The following KCNAB2 variants were observed in gnomAD, a reference collection of about 807,000 sequenced individuals.
KCNAB2 encodes voltage-gated potassium channel subunit beta-2.
KCNAB2 carries 29 observed loss-of-function variants against 63.6 expected under a neutral mutation model. That is an observed-to-expected ratio of 0.46 (90% CI 0.34 to 0.62). KCNAB2 has a LOEUF of 0.62. Among genes scored for constraint, KCNAB2 ranks in the 20% least tolerant of loss-of-function variants. KCNAB2 has a pLI of 0.01. For synonymous variants in KCNAB2, 222 were observed against 224.2 expected, an observed-to-expected ratio of 0.99 and a Z score of 0.09; for missense variants, 359 against 563.9, an observed-to-expected ratio of 0.64 and a Z score of 3.68.
chr1:6,085,145 G>A (rs1320587792), intron 5 of KCNAB2, 59 bp from the exon 6 acceptor site: 2 of 1,584,854 alleles, frequency 1.3e-6, no homozygotes, highest in Non-Finnish European at 1.7e-6. Flanking sequence ...TGGCCACAGT[G>A]GGTCTGGGTT....
intron 1 of KCNAB2, chr1:6,040,461 G>A (rs1660406732): frequency 1.0e-6 from 1 of 973,816 alleles, no homozygotes; most frequent in Admixed American, 1.8e-5. Context: ...GCCAAACCTG[G>A]TTGATCTTTT....
chr1:5,996,652 G>A (rs1244392256), intron 1 of KCNAB2, among the ~76,000 whole-genome samples: 3 of 152,246 alleles, frequency 2.0e-5, no homozygotes, highest in Non-Finnish European at 2.9e-5. Context: ...CTGCTTTGAC[G>A]CCATGCTGGT....
intron 4 of KCNAB2, among the ~76,000 whole-genome samples, chr1:6,080,956 G>A (rs901051584): frequency 1.3e-5 from 2 of 152,328 alleles, no homozygotes; most frequent in Admixed American, 1.3e-4. Context: ...GAGGCCCAGT[G>A]CTCTGAGCCG....
At chr1:6,091,381 C>A in intron 10 of KCNAB2, 74 bp downstream of exon 10, 1 of 1,111,440 alleles carries the variant, frequency 9.0e-7, no homozygotes, top group African/African-American at 1.6e-5. Flanking sequence ...TTTTTATTTA[C>A]ATGATTCTTT....
At chr1:6,044,596 G>A (rs187364883), upstream of KCNAB2, among the ~76,000 whole-genome samples, 7 of 152,264 alleles carry the variant, frequency 4.6e-5, no homozygotes, top group African/African-American at 1.7e-4. Flanking sequence ...GTTGGTGGGG[G>A]GCCTCGAATG....
rs1477241316 is a variant in KCNAB2, at chr1:5,994,882, C to T, written c.-53+2094C>T. Among the ~76,000 whole-genome samples, 4 of 152,188 alleles carry T rather than the reference C, an allele frequency of 2.6e-5. No individual in the cohort carries two copies. Among genetic ancestry groups the T allele is most frequent in the Non-Finnish European group, 5.9e-5 (4 of 68,038 alleles). ...CGAGTGCCACACAGTTTTGATTTGG[C>T]AGTTTCCGGCCTGGGCTTGGAGGGA... is the stretch of plus-strand genomic sequence containing the variant. On this transcript the variant is annotated intron_variant, in intron 1 of 16. Transcript: ENST00000341524. The surrounding 1 kb of genome is among the most constrained non-coding windows in gnomAD (Gnocchi z 5.4).
At chr1:6,041,740 T>C, upstream of KCNAB2, 1 of 1,161,486 alleles carries the variant, frequency 8.6e-7, no homozygotes, top group South Asian at 1.2e-5. Flanking sequence ...TGGTTCTTTC[T>C]GACCTGCACC....
intron 1 of KCNAB2, among the ~76,000 whole-genome samples, chr1:6,005,568 G>T (rs1248729135): frequency 6.6e-6 from 1 of 151,928 alleles, no homozygotes; most frequent in Non-Finnish European, 1.5e-5. Flanking sequence ...ATGAGTAGGA[G>T]TGGGATCCAA....
At chr1:6,047,581 G>A (rs557138263) in intron 1 of KCNAB2, among the ~76,000 whole-genome samples, 6 of 152,184 alleles carry the variant, frequency 3.9e-5, no homozygotes, top group Non-Finnish European at 5.9e-5. Context: ...AGCCAGCCCC[G>A]CCCCCACCAA....
At chr1:6,091,637 G>T (rs2100769324) in intron 10 of KCNAB2, among the ~76,000 whole-genome samples, 1 of 152,188 alleles carries the variant, frequency 6.6e-6, no homozygotes, top group South Asian at 2.1e-4. Context: ...CTTGACCCTG[G>T]ATGGTGCCAT....
chr1:6,083,841 C>G (rs1008833008), intron 5 of KCNAB2, among the ~76,000 whole-genome samples: 2 of 152,214 alleles, frequency 1.3e-5, no homozygotes. Context: ...TGCAGGATTT[C>G]TGTGTCCCGC....
chr1:6,068,832 A>G (rs1662964601), intron 2 of KCNAB2, among the ~76,000 whole-genome samples: 1 of 152,180 alleles, frequency 6.6e-6, no homozygotes, highest in Admixed American at 6.5e-5. Context: ...GGTGTGCTCC[A>G]GGCACAGCTG....
rs528873099 is a variant in KCNAB2 at position 6,100,231 on chromosome 1, G to A, written c.*1657G>A. 45 of 780,310 alleles carry A rather than the reference G, an allele frequency of 5.8e-5. No homozygotes were observed. Among genetic ancestry groups the A allele is most frequent in the African/African-American group, 5.6e-4 (32 of 57,276 alleles). The allele number at this position is 780,310 out of a possible 1,614,324, so 48.3% of individuals were successfully genotyped here. Reference sequence around the variant, plus strand: ...GAGAGGCTGGGGCGAGGGGAGGAGGGGGATCAGCTTCTGCTATTACCGACC... The same window carrying A: ...GAGAGGCTGGGGCGAGGGGAGGAGGAGGATCAGCTTCTGCTATTACCGACC... On this transcript the variant is annotated 3_prime_UTR_variant, in exon 16 of 16. Transcript: ENST00000378083.
chr1:6,013,211 G>T (rs564862948), intron 1 of KCNAB2, among the ~76,000 whole-genome samples: 2 of 152,114 alleles, frequency 1.3e-5, no homozygotes, highest in African/African-American at 2.4e-5. Context: ...TTCCTGTTCC[G>T]GGCATGAGGG....
At position 6,087,552 on chromosome 1, in the gene KCNAB2, C is replaced by G. The variant is rs756322136; in HGVS notation, c.470+41C>G. The G allele has an allele frequency of 1.2e-6, 2 of 1,605,774 alleles. No individual in the cohort carries two copies. Among genetic ancestry groups the G allele is most frequent in the Admixed American group, 1.7e-5 (1 of 59,980 alleles). On this transcript the variant is annotated intron_variant, in intron 7 of 15. Coordinates refer to ENST00000378083, the MANE Select transcript of KCNAB2 (RefSeq NM_001199862.2). This position sits in a 1 kb window ranked among gnomAD's most constrained non-coding sequence, Gnocchi z 6.4. ...GGCGATGCTTCCAGCCCCGGCCCAG[C>G]AGCCACGGCCCCGTGCTCCCCAGAG...
intron 1 of KCNAB2, among the ~76,000 whole-genome samples, chr1:6,002,097 T>C (rs1324548492): frequency 6.6e-6 from 1 of 152,184 alleles, no homozygotes; most frequent in Non-Finnish European, 1.5e-5. Context: ...GCCCCGGCCA[T>C]GTCATGAGGC....
At chr1:6,088,471 C>T (rs538573769) in intron 7 of KCNAB2, among the ~76,000 whole-genome samples, 1 of 151,910 alleles carries the variant, frequency 6.6e-6, no homozygotes, top group South Asian at 2.1e-4. Flanking sequence ...TGGTCTCAAA[C>T]TCCTGAGTTC....
rs267598679 is a variant in KCNAB2, at chr1:6,091,278, C to T, written c.617C>T (p.Ser206Phe). ...CTATCACCAGGGGACCCATTTAGTTCCTCCAAGTCAAGGACATTCATCATA... is the reference window on the plus strand; with the variant it reads ...CTATCACCAGGGGACCCATTTAGTTTCTCCAAGTCAAGGACATTCATCATA... ...NTPMEGDPFS[S>F]SKSRTFIIEE... Residue 206 changes from serine (S) to phenylalanine (F), a missense_variant, in exon 10 of 16, where the codon TCC becomes TTC. Around this residue, in one of 2 missense-constraint regions of KCNAB2, gnomAD observed 271 missense variants for 476.1 expected, o/e 0.57. Coordinates refer to ENST00000378083, the MANE Select transcript of KCNAB2 (RefSeq NM_001199862.2). 6.5e-7 allele frequency: 1 copy of T among 1,533,922 alleles called. No homozygotes were observed. Among genetic ancestry groups the T allele is most frequent in the East Asian group, 2.4e-5 (1 of 40,906 alleles).
At chr1:6,044,602 G>A (rs538689699), upstream of KCNAB2, among the ~76,000 whole-genome samples, 10 of 152,224 alleles carry the variant, frequency 6.6e-5, no homozygotes, top group East Asian at 3.9e-4. Context: ...GGGGGGCCTC[G>A]AATGCCTAGC....
Sources: allele counts gnomAD v4.1 joint callset (sites outside exome capture counted in the v4.1 genomes callset), GRCh38; gene constraint gnomAD v4.1.1; regional missense constraint gnomAD v4.1.1; non-coding constraint Gnocchi (gnomAD v3.1); transcripts MANE v1.5; gene names NCBI Gene and HGNC (gene_info 2026-07-23, HGNC 2026-07-21).